TRUB1: variants seen among roughly 807,000 people sequenced by gnomAD.
The protein encoded by TRUB1 is TruB pseudouridine synthase family member 1.
In TRUB1, 23 loss-of-function variants were observed where a neutral mutation model predicts 33.9. That is an observed-to-expected ratio of 0.68 (90% CI 0.49 to 0.96). The LOEUF is 0.96. Ranked by LOEUF, TRUB1 falls within the 40% of genes least tolerant of loss-of-function variation. The pLI is 0.00. For missense variants in TRUB1, 378 were observed against 422.2 expected (o/e 0.90, Z 0.92); for synonymous variants, 163 against 165.4 (o/e 0.99, Z 0.11).
intron 3 of TRUB1, among the ~76,000 whole-genome samples, chr10:114,957,488 G>T (rs1049216110): frequency 6.6e-6 from 1 of 152,172 alleles, no homozygotes; most frequent in Admixed American, 6.5e-5. Flanking sequence ...AAACATGATC[G>T]AATTTGTGGA....
In TRUB1 at chr10:114,960,020, A is replaced by C. The variant is rs975663053; in HGVS notation, c.523+213A>C. Reference sequence around the variant, plus strand: ...TTATTGTGATTGCCTCTTTTTCTATAGTGATGTTTTAAGTGTTCAGAATTA... The same window carrying C: ...TTATTGTGATTGCCTCTTTTTCTATCGTGATGTTTTAAGTGTTCAGAATTA... On this transcript the variant is annotated intron_variant, in intron 4 of 7. Coordinates refer to ENST00000298746, the MANE Select transcript of TRUB1 (RefSeq NM_139169.5). The C allele has an allele frequency of 2.3e-4, 117 of 504,854 alleles. 2 individuals carry two copies. The highest frequency in any genetic ancestry group is 2.2e-3 in the African/African-American group (109 of 49,798). 31.3% of individuals were successfully genotyped at this position (504,854 alleles called of 1,614,324 possible). A position where few individuals can be genotyped will look rare whatever the true frequency, so the allele number is the denominator to read the frequency against.
At position 114,941,638 on chromosome 10, in the gene TRUB1, C is replaced by T. The variant is rs527259641; in HGVS notation, c.287-1007C>T. Among the ~76,000 whole-genome samples, 17 of 152,188 alleles carry T rather than the reference C, an allele frequency of 1.1e-4. No homozygotes were observed. The South Asian group carries it at 2.1e-3, about 19-fold the overall frequency. ...GATTACAGGCATGAGCCACTGTGCC[C>T]GGCTCACTTTATGTTTACAACAGGA... is the stretch of plus-strand genomic sequence containing the variant. On this transcript the variant is annotated intron_variant, in intron 1 of 7. Coordinates refer to ENST00000298746, the MANE Select transcript of TRUB1 (RefSeq NM_139169.5).
chr10:114,952,475 AGGTAGATAGGTAGATAGG>A (rs2084241123), intron 3 of TRUB1, among the ~76,000 whole-genome samples: 1 of 139,112 alleles, frequency 7.2e-6, no homozygotes, highest in Non-Finnish European at 1.6e-5. Flanking sequence ...GTAGGTAGGT[AGGTAGATAGGTAGATAGG>A]TAGGTAGGTA....
chr10:114,959,828 A>G, intron 4 of TRUB1, 21 bp downstream of exon 4: 1 of 1,446,794 alleles, frequency 6.9e-7, no homozygotes, highest in South Asian at 1.2e-5. Flanking sequence ...CATCTAATGT[A>G]GGCCTCTTTT....
At chr10:114,943,173 G>T (rs2084196114) in intron 2 of TRUB1, among the ~76,000 whole-genome samples, 1 of 152,184 alleles carries the variant, frequency 6.6e-6, no homozygotes, top group Admixed American at 6.5e-5. Context: ...TAGGAATCTG[G>T]AATTTTGTTC....
At chr10:114,944,667 T>C (rs2084203957) in intron 2 of TRUB1, among the ~76,000 whole-genome samples, 1 of 151,330 alleles carries the variant, frequency 6.6e-6, no homozygotes, top group Admixed American at 6.6e-5. Context: ...TCTCAGTAAA[T>C]AAATAAATAA....
At chr10:114,941,641 C>T (rs2084187288) in intron 1 of TRUB1, among the ~76,000 whole-genome samples, 1 of 152,170 alleles carries the variant, frequency 6.6e-6, no homozygotes, top group African/African-American at 2.4e-5. Context: ...CTGTGCCCGG[C>T]TCACTTTATG....
chr10:114,972,226 G>A lies in TRUB1; in HGVS notation c.688G>A (p.Val230Ile), dbSNP rs769087035. The change falls in exon 6 of 8, where the codon GTA becomes ATA. Residue 230 changes from valine to isoleucine, a missense_variant. Val to Ile is a conservative substitution (Grantham distance 29). Transcript: ENST00000298746. The part of the protein sequence containing the change: ...VEAKPARPVT[V>I]YSISLQKFQP... Reference sequence around the variant, plus strand: ...AGCAAAACCTGCCAGGCCAGTGACTGTATACAGTATCTCCCTTCAAAAATT... The same window carrying A: ...AGCAAAACCTGCCAGGCCAGTGACTATATACAGTATCTCCCTTCAAAAATT... 2 of 1,612,724 alleles carry A rather than the reference G, an allele frequency of 1.2e-6. No homozygotes were observed. The highest frequency in any genetic ancestry group is 2.7e-5 in the African/African-American group (2 of 74,864).
intron 1 of TRUB1, among the ~76,000 whole-genome samples, chr10:114,940,525 C>G (rs2084181994): frequency 6.6e-6 from 1 of 152,156 alleles, no homozygotes; most frequent in Admixed American, 6.5e-5. Context: ...TGCATTGATT[C>G]CTATTATGCT....
At chr10:114,965,179 T>C (rs1412412968) in intron 4 of TRUB1, among the ~76,000 whole-genome samples, 2 of 152,138 alleles carry the variant, frequency 1.3e-5, no homozygotes, top group African/African-American at 4.8e-5. Context: ...TCTGCCTGCC[T>C]CAGCCTCCCA....
At chr10:114,955,866 A>G (rs2084259590) in intron 3 of TRUB1, among the ~76,000 whole-genome samples, 1 of 152,206 alleles carries the variant, frequency 6.6e-6, no homozygotes, top group African/African-American at 2.4e-5. Context: ...TATGAACTAT[A>G]AAAAAGGACT....
intron 3 of TRUB1, among the ~76,000 whole-genome samples, chr10:114,951,672 G>A (rs2084235803): frequency 6.6e-6 from 1 of 152,144 alleles, no homozygotes; most frequent in Non-Finnish European, 1.5e-5. Context: ...GAGAGAAGGG[G>A]TTATTTGGAG....
At position 114,976,592 on chromosome 10, in the gene TRUB1, G is replaced by T. The variant is rs2084361126; in HGVS notation, c.*1213G>T. ...AAATTTCATAAAATACAAGTTTTTA[G>T]ATGTTTATGCTTTGCCTTTCTTTTT... On this transcript the variant is annotated 3_prime_UTR_variant, in exon 8 of 8. Transcript: ENST00000298746. The T allele has an allele frequency of 1.3e-5, 2 of 152,090 alleles. No homozygotes were observed. 9.4% of individuals were successfully genotyped at this position (152,090 alleles called of 1,614,324 possible). A position where few individuals can be genotyped will look rare whatever the true frequency, so the allele number is the denominator to read the frequency against.
chr10:114,963,273 A>C (rs1293609329), intron 4 of TRUB1, among the ~76,000 whole-genome samples: 1 of 152,198 alleles, frequency 6.6e-6, no homozygotes, highest in Admixed American at 6.5e-5. Flanking sequence ...TGTTGTATCT[A>C]ATGGTACTGT....
chr10:114,977,370 C>G lies in TRUB1; in HGVS notation c.*1991C>G, dbSNP rs1465287005. ...TATTTTAATTATATTACTTTATACTCTTAATTTATTTAGAGTATTTCTCTA... is the reference window on the plus strand; with the variant it reads ...TATTTTAATTATATTACTTTATACTGTTAATTTATTTAGAGTATTTCTCTA... On this transcript the variant is annotated 3_prime_UTR_variant, in exon 8 of 8. Transcript: ENST00000298746. The G allele has an allele frequency of 6.6e-6, 1 of 151,816 alleles. No homozygotes were observed. Among genetic ancestry groups the G allele is most frequent in the Non-Finnish European group, 1.5e-5 (1 of 67,914 alleles). The allele number at this position is 151,816 out of a possible 1,614,324, so 9.4% of individuals were successfully genotyped here. A position where few individuals can be genotyped will look rare whatever the true frequency, so the allele number is the denominator to read the frequency against.
chr10:114,955,604 C>T (rs2084258512), intron 3 of TRUB1, among the ~76,000 whole-genome samples: 2 of 152,226 alleles, frequency 1.3e-5, no homozygotes, highest in South Asian at 4.2e-4. Context: ...AATGAAGTTT[C>T]CCCTTCTTGG....
At chr10:114,946,146 C>T (rs2084210175) in intron 2 of TRUB1, among the ~76,000 whole-genome samples, 1 of 152,148 alleles carries the variant, frequency 6.6e-6, no homozygotes, top group Non-Finnish European at 1.5e-5. Flanking sequence ...ACACTGGCTA[C>T]TGGCTGCTTT....
chr10:114,943,180 G>A (rs959979669), intron 2 of TRUB1, among the ~76,000 whole-genome samples: 2 of 152,154 alleles, frequency 1.3e-5, no homozygotes, highest in Non-Finnish European at 2.9e-5. Flanking sequence ...CTGGAATTTT[G>A]TTCCACTGCT....
chr10:114,970,783 T>C (rs1003678154), intron 5 of TRUB1, among the ~76,000 whole-genome samples: 5 of 152,228 alleles, frequency 3.3e-5, no homozygotes, highest in African/African-American at 4.8e-5. Context: ...CAGTCCCGTC[T>C]GGGAGGGAAG....
Sources: allele counts gnomAD v4.1 joint callset (sites outside exome capture counted in the v4.1 genomes callset), GRCh38; gene constraint gnomAD v4.1.1; transcripts MANE v1.5; gene names NCBI Gene and HGNC (gene_info 2026-07-23, HGNC 2026-07-21).